Variants in ALDH18A1 observed in about 807,000 individuals in gnomAD.
ALDH18A1 encodes the protein aldehyde dehydrogenase 18 family member A1.
In ALDH18A1, 44 loss-of-function variants were observed where a neutral mutation model predicts 88.8. The ratio of observed to expected loss-of-function variants is 0.50; its 90% CI spans 0.39 to 0.64. The LOEUF (loss-of-function observed/expected upper bound fraction) is 0.64, where lower values mean the gene tolerates loss of function less well. ALDH18A1 is among the 30% of genes least tolerant of loss of function. The probability of loss-of-function intolerance (pLI) is 0.00; values close to 1 mark genes in which losing one functional copy is unlikely to be tolerated. For missense variants in ALDH18A1, 782 were observed against 1,009.5 expected (o/e 0.77, Z 3.05); for synonymous variants, 331 against 372.1 (o/e 0.89, Z 1.27).
At chr10:95,653,111 C>A (rs994272088) in intron 2 of ALDH18A1, among the ~76,000 whole-genome samples, 179 bp downstream of exon 2, 2 of 151,802 alleles carry the variant, frequency 1.3e-5, no homozygotes, top group Non-Finnish European at 2.9e-5. Context: ...TTGCTTGAGT[C>A]CAAGAGGTCT....
chr10:95,633,930 C>A (rs990456435), intron 5 of ALDH18A1, among the ~76,000 whole-genome samples: 1 of 149,558 alleles, frequency 6.7e-6, no homozygotes, highest in African/African-American at 2.5e-5. Context: ...AGTTCTCATG[C>A]CTCAGCTTTC....
chr10:95,641,113 A>AGT (rs879822644), intron 3 of ALDH18A1, among the ~76,000 whole-genome samples: 28,995 of 146,056 alleles, frequency 0.2, 3,015 homozygotes, highest in Middle Eastern at 0.33. Context: ...GGGGCACCTC[A>AGT]CACTGTGTAC....
In ALDH18A1 at chr10:95,613,736, T is replaced by C; in HGVS notation, c.1923+6A>G. On this transcript the variant is annotated splice_donor_region_variant and intron_variant, in intron 15 of 17. Transcript: ENST00000371224. ...AAGTAATGTACTAGTCCTATGGAAC[T>C]CTTACCTGTTCCACTCTCAGCATAT... 6.2e-7 allele frequency: 1 copy of C among 1,614,158 alleles called. No homozygotes were observed. The highest frequency in any genetic ancestry group is 8.5e-7 in the Non-Finnish European group (1 of 1,179,986).
intron 12 of ALDH18A1, among the ~76,000 whole-genome samples, chr10:95,619,580 C>A (rs1339874171): frequency 1.3e-5 from 2 of 151,944 alleles, no homozygotes; most frequent in Non-Finnish European, 2.9e-5. Context: ...GTACTGGTAC[C>A]AAAACAGAGA....
At chr10:95,637,479 G>C in intron 3 of ALDH18A1, 43 bp from the exon 4 acceptor site, 1 of 1,609,608 alleles carries the variant, frequency 6.2e-7, no homozygotes, top group East Asian at 2.2e-5. Flanking sequence ...TTACCGTACT[G>C]TCTCTTTCAT....
At chr10:95,618,768 T>G (rs2097847819) in intron 12 of ALDH18A1, among the ~76,000 whole-genome samples, 1 of 152,212 alleles carries the variant, frequency 6.6e-6, no homozygotes, top group Admixed American at 6.5e-5. Context: ...TAACAGAGAC[T>G]TGTGGTCAGA....
At chr10:95,636,721 T>G (rs1340287493) in intron 5 of ALDH18A1, among the ~76,000 whole-genome samples, 2 of 152,180 alleles carry the variant, frequency 1.3e-5, no homozygotes, top group African/African-American at 4.8e-5. Context: ...CCACCTGAAA[T>G]CAAAGAAGCC....
chr10:95,652,813 C>G (rs1433831028), intron 2 of ALDH18A1, among the ~76,000 whole-genome samples: 2 of 152,122 alleles, frequency 1.3e-5, no homozygotes, highest in African/African-American at 4.8e-5. Flanking sequence ...AGGAGACTAC[C>G]TCTTTGCCTC....
At chr10:95,623,306 T>G (rs2097855753) in intron 11 of ALDH18A1, among the ~76,000 whole-genome samples, 1 of 152,246 alleles carries the variant, frequency 6.6e-6, no homozygotes, top group Non-Finnish European at 1.5e-5. Flanking sequence ...CTGAACGCAC[T>G]TAACCACACC....
intron 15 of ALDH18A1, 141 bp from the exon 16 acceptor site, chr10:95,611,583 C>T (rs762274998): frequency 3.7e-5 from 33 of 901,554 alleles, no homozygotes; most frequent in Non-Finnish European, 5.4e-5. Flanking sequence ...GTCCTACTTT[C>T]CTCCCTCCAG....
chr10:95,610,610 T>C (rs2097832184), intron 16 of ALDH18A1, among the ~76,000 whole-genome samples: 1 of 152,190 alleles, frequency 6.6e-6, no homozygotes, highest in Non-Finnish European at 1.5e-5. Context: ...CCTGCTAGCT[T>C]TGTGACCTTC....
chr10:95,639,661 GT>G (rs1475608332), intron 3 of ALDH18A1, among the ~76,000 whole-genome samples: 1 of 151,796 alleles, frequency 6.6e-6, no homozygotes, highest in Non-Finnish European at 1.5e-5. Context: ...CAAATAGCCA[GT>G]GTTCATATTT....
rs973558658 is a variant in ALDH18A1 at position 95,642,232 on chromosome 10, C to A, written c.303+760G>T. Among the ~76,000 whole-genome samples the A allele has an allele frequency of 2.0e-5, 3 of 152,266 alleles. No homozygotes were observed. The South Asian group carries it at 6.2e-4, about 32-fold the overall frequency. On this transcript the variant is annotated intron_variant, in intron 3 of 17. Transcript: ENST00000371224. ...TTGTAAATGAAATTTTATCAGCTCA[C>A]GGCCACGCTCATTCATTTATATATT...
At chr10:95,634,372 G>A (rs577322917) in intron 5 of ALDH18A1, among the ~76,000 whole-genome samples, 1 of 152,244 alleles carries the variant, frequency 6.6e-6, no homozygotes, top group Admixed American at 6.5e-5. Flanking sequence ...CTGAGTAACT[G>A]GGACTAAAGA....
At chr10:95,612,615 C>T (rs1442640380) in intron 15 of ALDH18A1, among the ~76,000 whole-genome samples, 1 of 152,204 alleles carries the variant, frequency 6.6e-6, no homozygotes, top group Non-Finnish European at 1.5e-5. Context: ...TCCAAAAGTG[C>T]TGTATGAAGT....
chr10:95,638,889 TTG>T (rs1491162165), intron 3 of ALDH18A1, among the ~76,000 whole-genome samples: 13 of 149,800 alleles, frequency 8.7e-5, no homozygotes, highest in African/African-American at 1.5e-4. Context: ...TTTTTTTTTT[TTG>T]AAACACAGTC....
chr10:95,621,172 C>T lies in ALDH18A1; in HGVS notation c.1326G>A (p.Gln442=), dbSNP rs1462957067. The change falls in exon 12 of 18, where the codon CAG becomes CAA. Residue 442 remains glutamine (Q), a synonymous_variant. Coordinates refer to ENST00000371224, the MANE Select transcript of ALDH18A1 (RefSeq NM_002860.4). The stretch of plus-strand genomic sequence containing the variant: ...CGCTGTCCTGGGAGGAGGCTGCGAT[C>T]TGTCGCAGACCGATGGCCAGGCTGT... ...KLNSLAIGLR[Q]IAASSQDSVG... 4 of 1,614,126 alleles carry T rather than the reference C, an allele frequency of 2.5e-6. 1 individual carries two copies. Among genetic ancestry groups the T allele is most frequent in the Non-Finnish European group, 3.4e-6 (4 of 1,180,032 alleles).
chr10:95,609,487 C>A (rs1318673872), intron 17 of ALDH18A1, among the ~76,000 whole-genome samples: 1 of 152,200 alleles, frequency 6.6e-6, no homozygotes, highest in Non-Finnish European at 1.5e-5. Flanking sequence ...ACAGCATGTA[C>A]CTCTGGCGCA....
chr10:95,614,733 GT>G (rs1437121588), intron 13 of ALDH18A1, among the ~76,000 whole-genome samples: 1 of 152,022 alleles, frequency 6.6e-6, no homozygotes, highest in Non-Finnish European at 1.5e-5. Context: ...TGGGCATTTT[GT>G]TTTCTCTTGA....
Sources: gnomAD v4.1 joint callset for allele counts (sites outside exome capture counted in the v4.1 genomes callset) on GRCh38, gnomAD v4.1.1 for gene constraint, MANE v1.5 for transcripts, NCBI Gene and HGNC (gene_info 2026-07-23, HGNC 2026-07-21) for gene names.